MGST1: variants seen among roughly 807,000 people sequenced by gnomAD.
MGST1 encodes glutathione S-transferase 12.
Under a neutral mutation model 8.9 loss-of-function variants are expected in MGST1, and 5 were observed. That is an observed-to-expected ratio of 0.56 (90% CI 0.29 to 1.19). The LOEUF (loss-of-function observed/expected upper bound fraction) is 1.19, where lower values mean the gene tolerates loss of function less well. MGST1 is among the 50% of genes most tolerant of loss of function. The pLI, the probability that MGST1 is intolerant of heterozygous loss-of-function variation, is 0.08. For synonymous variants in MGST1, 54 were observed against 67.8 expected (o/e 0.80, Z 1.00); for missense variants, 182 against 187.4 (o/e 0.97, Z 0.17).
chr12:16,436,248 A>G (rs1249104155), intron 1 of MGST1, among the ~76,000 whole-genome samples: 6 of 151,970 alleles, frequency 3.9e-5, no homozygotes, highest in Non-Finnish European at 7.4e-5. Context: ...ACAATATAAA[A>G]AGCACTCTTG....
At chr12:16,457,050 C>T (rs1324613479) in intron 4 of MGST1, among the ~76,000 whole-genome samples, 1 of 151,956 alleles carries the variant, frequency 6.6e-6, no homozygotes, top group African/African-American at 2.4e-5. Flanking sequence ...AGTTCCTCTA[C>T]TGTTCAAAGA....
intron 4 of MGST1, among the ~76,000 whole-genome samples, chr12:16,571,183 A>ATAAGT (rs1942802175): frequency 6.6e-6 from 1 of 152,130 alleles, no homozygotes. Flanking sequence ...CACCTATTGT[A>ATAAGT]TAAGTTAAAT....
chr12:16,568,727 T>C (rs985518867), intron 4 of MGST1, among the ~76,000 whole-genome samples: 9 of 152,236 alleles, frequency 5.9e-5, no homozygotes, highest in African/African-American at 2.2e-4. Flanking sequence ...CTTGGCTACT[T>C]TGGCTACTAG....
At chr12:16,588,073 T>C (rs905400420) in intron 4 of MGST1, among the ~76,000 whole-genome samples, 1 of 152,142 alleles carries the variant, frequency 6.6e-6, no homozygotes, top group Admixed American at 6.6e-5. Context: ...ATCAAACAAC[T>C]TTCAATTAAA....
chr12:16,373,458 C>T (rs1180026366), intron 3 of MGST1, among the ~76,000 whole-genome samples: 1 of 151,224 alleles, frequency 6.6e-6, no homozygotes, highest in African/African-American at 2.4e-5. Flanking sequence ...GATGAATACC[C>T]CAATTAACTT....
intron 4 of MGST1, among the ~76,000 whole-genome samples, chr12:16,526,987 T>C (rs1270492583): frequency 6.6e-6 from 1 of 151,998 alleles, no homozygotes; most frequent in Non-Finnish European, 1.5e-5. Flanking sequence ...ATTTCTGCTG[T>C]ATCTATCATC....
chr12:16,523,603 C>A (rs890236103), intron 4 of MGST1, among the ~76,000 whole-genome samples: 2 of 152,004 alleles, frequency 1.3e-5, no homozygotes, highest in Non-Finnish European at 2.9e-5. Context: ...TGTTACAAGA[C>A]GGGCTTATGA....
chr12:16,397,034 A>C (rs569232599), intron 1 of MGST1, among the ~76,000 whole-genome samples: 18 of 152,308 alleles, frequency 1.2e-4, no homozygotes, highest in Middle Eastern at 3.4e-3. Flanking sequence ...ACTATACTAT[A>C]AGGCCATAGT....
intron 4 of MGST1, among the ~76,000 whole-genome samples, chr12:16,477,362 A>C (rs80041397): frequency 0.01 from 1,542 of 152,310 alleles, 31 homozygotes; most frequent in African/African-American, 0.036. Flanking sequence ...AAAAAATGAC[A>C]TGTGAACTTA....
chr12:16,566,926 G>GC (rs1162820790), intron 4 of MGST1, among the ~76,000 whole-genome samples: 2 of 152,120 alleles, frequency 1.3e-5, no homozygotes, highest in Non-Finnish European at 2.9e-5. Context: ...ACTACCAAAA[G>GC]CCCATGCTAC....
rs55665813 is a variant in MGST1, at chr12:16,583,046, C to CAA, written n.483-6463_483-6462dup. On this transcript the variant is annotated intron_variant and non_coding_transcript_variant, in intron 4 of 4. Coordinates refer to the MGST1 transcript ENST00000538857. ...TGGGTGACAGTGCGAGACTCCGCCT[C>CAA]AAAAAAAAAAAAAAAAAAAATCTAA... Among the ~76,000 whole-genome samples, 1,110 of 126,422 alleles carry CAA rather than the reference C, an allele frequency of 8.8e-3. 22 individuals carry two copies. The highest frequency in any genetic ancestry group is 0.02 in the East Asian group (87 of 4,300). 82.9% of individuals were successfully genotyped at this position (126,422 alleles called of 152,430 possible).
intron 4 of MGST1, among the ~76,000 whole-genome samples, chr12:16,455,170 A>G (rs893543700): frequency 6.6e-6 from 1 of 151,948 alleles, no homozygotes; most frequent in African/African-American, 2.4e-5. Context: ...GCCTAGTTTC[A>G]TAATAGTCTA....
chr12:16,431,419 T>A (rs914353887), intron 1 of MGST1, among the ~76,000 whole-genome samples: 1 of 152,206 alleles, frequency 6.6e-6, no homozygotes, highest in African/African-American at 2.4e-5. Flanking sequence ...ACTTAATCAT[T>A]TCTAGATTTT....
intron 4 of MGST1, among the ~76,000 whole-genome samples, chr12:16,533,175 G>T (rs1941732582): frequency 6.6e-6 from 1 of 152,126 alleles, no homozygotes; most frequent in Non-Finnish European, 1.5e-5. Flanking sequence ...GAAAGAATTG[G>T]CATGTAAAAG....
intron 1 of MGST1, among the ~76,000 whole-genome samples, chr12:16,405,016 G>C (rs940454490): frequency 1.3e-5 from 2 of 152,156 alleles, no homozygotes; most frequent in African/African-American, 4.8e-5. Context: ...TAATCTCTGG[G>C]ACACAGCTAA....
chr12:16,364,963 T>C (rs2137005213), downstream of MGST1, among the ~76,000 whole-genome samples: 1 of 152,272 alleles, frequency 6.6e-6, no homozygotes, highest in South Asian at 2.1e-4. The surrounding 1 kb of genome is among the most constrained non-coding windows in gnomAD (Gnocchi z 5.7). Flanking sequence ...TTATCTATGA[T>C]TTTCTCATTC....
At chr12:16,426,969 CAAAA>C (rs572147225) in intron 1 of MGST1, among the ~76,000 whole-genome samples, 2 of 84,306 alleles carry the variant, frequency 2.4e-5, no homozygotes, top group Non-Finnish European at 2.2e-5. Flanking sequence ...GACTCTGTCT[CAAAA>C]AAAAAAAAAA....
Position 16,482,759 on chromosome 12 carries a change from G to A in MGST1, n.482+99155G>A, listed in dbSNP as rs1171726161. 6.6e-6 allele frequency among the ~76,000 whole-genome samples: 1 copy of A among 152,184 alleles called. No individual in the cohort carries two copies. The highest frequency in any genetic ancestry group is 1.5e-5 in the Non-Finnish European group (1 of 68,024). On this transcript the variant is annotated intron_variant and non_coding_transcript_variant, in intron 4 of 4. Coordinates refer to the MGST1 transcript ENST00000538857. This position sits in a 1 kb window ranked among gnomAD's most constrained non-coding sequence, Gnocchi z 4.2. Reference sequence around the variant, plus strand: ...AAAGATAATGGCTGAGATACGCAAAGGATTAGACTATCATGTCGGATACAC... The same window carrying A: ...AAAGATAATGGCTGAGATACGCAAAAGATTAGACTATCATGTCGGATACAC...
At chr12:16,550,449 C>T (rs1316024727) in intron 4 of MGST1, 1 of 151,798 alleles carries the variant, frequency 6.6e-6, no homozygotes. Context: ...AAAGAGCACA[C>T]AAAAAAAGGA....
Sources: gnomAD v4.1 joint callset for allele counts (sites outside exome capture counted in the v4.1 genomes callset) on GRCh38, gnomAD v4.1.1 for gene constraint, Gnocchi (gnomAD v3.1) non-coding constraint, MANE v1.5 for transcripts, NCBI Gene and HGNC (gene_info 2026-07-23, HGNC 2026-07-21) for gene names.